FAM117A: variants seen among roughly 807,000 people sequenced by gnomAD.
FAM117A encodes family with sequence similarity 117 member A, also known as protein FAM117A.
FAM117A carries 21 observed loss-of-function variants against 44.1 expected under a neutral mutation model. The observed-to-expected ratio is 0.48, with a 90% CI of 0.34 to 0.69. The LOEUF (loss-of-function observed/expected upper bound fraction) is 0.69, where lower values mean the gene tolerates loss of function less well. FAM117A is among the 30% of genes least tolerant of loss of function. FAM117A has a pLI of 0.01. For synonymous variants in FAM117A, 220 were observed against 238.3 expected (o/e 0.92, Z 0.71); for missense variants, 498 against 589.9 (o/e 0.84, Z 1.61).
At chr17:49,748,125 A>G (rs190951089) in intron 1 of FAM117A, among the ~76,000 whole-genome samples, 2 of 152,344 alleles carry the variant, frequency 1.3e-5, no homozygotes, top group African/African-American at 4.8e-5. Context: ...CTTCCCCTGT[A>G]TATGATGGGC....
intron 1 of FAM117A, among the ~76,000 whole-genome samples, chr17:49,752,097 A>C (rs151133029): frequency 5.3e-5 from 8 of 152,328 alleles, no homozygotes; most frequent in African/African-American, 9.6e-5. Flanking sequence ...CTCTATTAAA[A>C]AAAAAAATTC....
Position 49,711,035 on chromosome 17 carries a change from G to A in FAM117A, c.*220C>T. 2.0e-6 allele frequency: 1 copy of A among 502,030 alleles called. No individual in the cohort carries two copies. The highest frequency in any genetic ancestry group is 3.3e-5 in the East Asian group (1 of 30,652). 31.1% of individuals were successfully genotyped at this position (502,030 alleles called of 1,614,324 possible). A position where few individuals can be genotyped will look rare whatever the true frequency, so the allele number is the denominator to read the frequency against. On this transcript the variant is annotated 3_prime_UTR_variant, in exon 8 of 8. Transcript: ENST00000240364. Reference sequence around the variant, plus strand: ...TGTGGCAGGTACACAGGTGTGAATTGTGAGCTGCCCAGCTACTAGTGGAGA... The same window carrying A: ...TGTGGCAGGTACACAGGTGTGAATTATGAGCTGCCCAGCTACTAGTGGAGA...
At chr17:49,756,978 T>C (rs1367488089) in intron 1 of FAM117A, among the ~76,000 whole-genome samples, 1 of 150,772 alleles carries the variant, frequency 6.6e-6, no homozygotes, top group African/African-American at 2.4e-5. Flanking sequence ...AGCTTTGTTC[T>C]GTCAAATACC....
chr17:49,751,244 C>A (rs548411448), intron 1 of FAM117A, among the ~76,000 whole-genome samples: 1 of 135,398 alleles, frequency 7.4e-6, no homozygotes, highest in African/African-American at 2.8e-5. Flanking sequence ...CACGCCATTG[C>A]ACTCAGTCTG....
chr17:49,741,298 G>T (rs1029253506), intron 1 of FAM117A, among the ~76,000 whole-genome samples: 3 of 151,810 alleles, frequency 2.0e-5, no homozygotes, highest in African/African-American at 7.3e-5. Context: ...TTGATTTTTT[G>T]ATCTCACCTC....
In FAM117A at chr17:49,722,433, T is replaced by C. The variant is rs2073539231; in HGVS notation, c.462+66A>G. On this transcript the variant is annotated intron_variant, in intron 3 of 7. Coordinates refer to ENST00000240364, the MANE Select transcript of FAM117A (RefSeq NM_030802.4). ...GTGACGCCACCATGGAGCAGATGCA[T>C]TGCATGGTACTAGGGGATCGAGAAG... The C allele has an allele frequency of 3.0e-6, 4 of 1,311,574 alleles. No individual in the cohort carries two copies. The South Asian group carries it at 3.7e-5, about 12-fold the overall frequency. 81.2% of individuals were successfully genotyped at this position (1,311,574 alleles called of 1,614,324 possible).
chr17:49,774,320 A>AT (rs1213591181), intron 1 of FAM117A, among the ~76,000 whole-genome samples: 1 of 143,772 alleles, frequency 7.0e-6, no homozygotes, highest in African/African-American at 2.6e-5. Context: ...TAATTTTTGT[A>AT]TTTTTTGTAG....
At chr17:49,770,425 A>G (rs2073757653) in intron 1 of FAM117A, among the ~76,000 whole-genome samples, 1 of 152,186 alleles carries the variant, frequency 6.6e-6, no homozygotes, top group African/African-American at 2.4e-5. Flanking sequence ...ATATGATTCC[A>G]TGTATATGAA....
Position 49,735,716 on chromosome 17 carries a change from T to C in FAM117A, c.197-2996A>G, listed in dbSNP as rs561360505. Among the ~76,000 whole-genome samples the C allele has an allele frequency of 2.5e-4, 38 of 152,256 alleles. 2 individuals are homozygous for C. The South Asian group carries it at 7.9e-3, about 32-fold the overall frequency. Reference sequence around the variant, plus strand: ...CTGGGCTCAAGTGATCTTCCTGCCTTGGCCTCCCAAAGTGCTGGGATTACA... The same window carrying C: ...CTGGGCTCAAGTGATCTTCCTGCCTCGGCCTCCCAAAGTGCTGGGATTACA... On this transcript the variant is annotated intron_variant, in intron 1 of 7. Coordinates refer to ENST00000240364, the MANE Select transcript of FAM117A (RefSeq NM_030802.4).
intron 2 of FAM117A, among the ~76,000 whole-genome samples, chr17:49,726,700 G>A (rs2073561515): frequency 6.6e-6 from 1 of 152,192 alleles, no homozygotes. Context: ...AACCTGGCCA[G>A]GTGCGGTGGC....
intron 2 of FAM117A, among the ~76,000 whole-genome samples, chr17:49,730,195 C>T (rs542781507): frequency 6.6e-6 from 1 of 152,314 alleles, no homozygotes; most frequent in South Asian, 2.1e-4. Context: ...CTCCTGACTG[C>T]GGCCACAATA....
At chr17:49,788,869 G>T, upstream of FAM117A, 1 of 1,580,472 alleles carries the variant, frequency 6.3e-7, no homozygotes. Flanking sequence ...GGGAGAGGAG[G>T]GATGGCGGGT....
chr17:49,757,446 A>C (rs2073703474), intron 1 of FAM117A, among the ~76,000 whole-genome samples: 1 of 152,202 alleles, frequency 6.6e-6, no homozygotes, highest in Non-Finnish European at 1.5e-5. Context: ...GAAGCATTTA[A>C]ATGACTGCAA....
chr17:49,788,725 T>G, upstream of FAM117A: 1 of 1,217,312 alleles, frequency 8.2e-7, no homozygotes, highest in Non-Finnish European at 1.1e-6. Flanking sequence ...CTAGGGATCG[T>G]CCGCAGGATT....
At position 49,711,669 on chromosome 17, in the gene FAM117A, C is replaced by G. The variant is rs1471608858; in HGVS notation, c.1062-114G>C. On this transcript the variant is annotated intron_variant, in intron 7 of 7. Transcript: ENST00000240364. ...GCAGCAGGAGAGCTGGGTCTCTGTT[C>G]AAACAGAATTGGAACTTGACCGAAA... 3 of 1,020,500 alleles carry G rather than the reference C, an allele frequency of 2.9e-6. No individual in the cohort carries two copies. The Admixed American group carries it at 7.1e-5, about 24-fold the overall frequency. The allele number at this position is 1,020,500 out of a possible 1,614,324, so 63.2% of individuals were successfully genotyped here.
At chr17:49,769,597 C>T (rs957224717) in intron 1 of FAM117A, among the ~76,000 whole-genome samples, 6 of 151,390 alleles carry the variant, frequency 4.0e-5, no homozygotes, top group South Asian at 2.1e-4. Context: ...CTACTCTACT[C>T]GGGAGGCTGA....
intron 1 of FAM117A, chr17:49,732,938 A>G: frequency 5.4e-6 from 3 of 550,960 alleles, no homozygotes; most frequent in Non-Finnish European, 6.5e-6. Context: ...AACAATTTAT[A>G]CCATTTTACT....
chr17:49,732,939 C>G (rs2073592824), intron 1 of FAM117A: 1 of 555,128 alleles, frequency 1.8e-6, no homozygotes, highest in Non-Finnish European at 3.2e-6. Context: ...ACAATTTATA[C>G]CATTTTACTT....
At position 49,732,702 on chromosome 17, in the gene FAM117A, A is replaced by G. The variant is rs768610206; in HGVS notation, c.215T>C (p.Val72Ala). ...GGRAASVPCSVAPEKSVCRPQ... is the reference protein window; with the variant it reads ...GGRAASVPCSAAPEKSVCRPQ... ...CCTACACACTGACTTTTCTGGGGCCACCGAGCATGGGACGCTGGCTGCAAG... is the reference window on the plus strand; with the variant it reads ...CCTACACACTGACTTTTCTGGGGCCGCCGAGCATGGGACGCTGGCTGCAAG... Residue 72 changes from valine to alanine, a missense_variant, in exon 2 of 8, where the codon GTG becomes GCG. Transcript: ENST00000240364. 2 of 1,613,664 alleles carry G rather than the reference A, an allele frequency of 1.2e-6. No homozygotes were observed. The highest frequency in any genetic ancestry group is 2.2e-5 in the South Asian group (2 of 90,992).
Sources: gnomAD v4.1 joint callset for allele counts (sites outside exome capture counted in the v4.1 genomes callset) on GRCh38, gnomAD v4.1.1 for gene constraint, MANE v1.5 for transcripts, NCBI Gene and HGNC (gene_info 2026-07-23, HGNC 2026-07-21) for gene names.